Variants in PDE1A observed in about 807,000 individuals in gnomAD.
PDE1A encodes dual specificity calcium/calmodulin-dependent 3',5'-cyclic nucleotide phosphodiesterase 1A.
Under a neutral mutation model 61.7 loss-of-function variants are expected in PDE1A, and 35 were observed. That is an observed-to-expected ratio of 0.57 (90% CI 0.43 to 0.75). The LOEUF is 0.75. Among genes scored for constraint, PDE1A ranks in the 30% least tolerant of loss-of-function variants. PDE1A has a pLI of 0.00. For synonymous variants in PDE1A, 232 were observed against 213.2 expected (o/e 1.09, Z -0.77); for missense variants, 597 against 630.6 (o/e 0.95, Z 0.57).
At chr2:182,360,608 C>G (rs892529702) in intron 1 of PDE1A, among the ~76,000 whole-genome samples, 1 of 150,036 alleles carries the variant, frequency 6.7e-6, no homozygotes, top group African/African-American at 2.5e-5. Flanking sequence ...GCCTATGACG[C>G]ATGTAGAGAC....
chr2:182,693,183 A>G, the PDE1A span, among the ~76,000 whole-genome samples: 1 of 152,202 alleles, frequency 6.6e-6, no homozygotes, highest in African/African-American at 2.4e-5. Flanking sequence ...TCAAATATAT[A>G]TAAAATCAGT....
At chr2:182,147,440 GT>G (rs574712450) in intron 13 of PDE1A, among the ~76,000 whole-genome samples, 7 of 152,252 alleles carry the variant, frequency 4.6e-5, no homozygotes, top group African/African-American at 1.4e-4. Flanking sequence ...TAAATCCCAT[GT>G]AAAAAATCAT....
chr2:182,198,116 T>C (rs1686289168), intron 10 of PDE1A, among the ~76,000 whole-genome samples: 1 of 151,922 alleles, frequency 6.6e-6, no homozygotes. Context: ...CATATACATT[T>C]AATTAAAGGT....
intron 10 of PDE1A, among the ~76,000 whole-genome samples, chr2:182,200,663 G>C (rs2125466647): frequency 6.6e-6 from 1 of 152,280 alleles, no homozygotes; most frequent in Non-Finnish European, 1.5e-5. Context: ...AGTTTTGTGA[G>C]TCATTCTAGC....
the PDE1A span, among the ~76,000 whole-genome samples, chr2:182,557,875 T>A: frequency 3.3e-5 from 5 of 152,138 alleles, no homozygotes; most frequent in Non-Finnish European, 4.4e-5. Context: ...AAATCTTTCA[T>A]CATCAACTAC....
chr2:182,328,150 G>A (rs1187526987), intron 1 of PDE1A, among the ~76,000 whole-genome samples: 17 of 152,194 alleles, frequency 1.1e-4, no homozygotes, highest in Admixed American at 1.0e-3. Context: ...GAGTGACAGG[G>A]CAGAGACCAA....
chr2:182,394,994 G>A (rs1701622755), intron 1 of PDE1A, among the ~76,000 whole-genome samples: 1 of 152,218 alleles, frequency 6.6e-6, no homozygotes, highest in Non-Finnish European at 1.5e-5. Context: ...TCGTTGTGCA[G>A]AAGACAGATG....
At chr2:182,212,862 C>A (rs916216180) in intron 7 of PDE1A, among the ~76,000 whole-genome samples, 16 of 152,280 alleles carry the variant, frequency 1.1e-4, no homozygotes, top group African/African-American at 3.4e-4. Context: ...CATTGCCCAG[C>A]CTTGATTAGG....
At chr2:182,582,235 C>T in the PDE1A span, among the ~76,000 whole-genome samples, 5 of 152,064 alleles carry the variant, frequency 3.3e-5, no homozygotes, top group South Asian at 6.2e-4. Flanking sequence ...ATGAACTGGG[C>T]AAGAATCTTC....
At chr2:182,599,199 G>C in the PDE1A span, among the ~76,000 whole-genome samples, 1 of 152,144 alleles carries the variant, frequency 6.6e-6, no homozygotes, top group South Asian at 2.1e-4. Context: ...CCACTGCCTG[G>C]CTTTTCCCTG....
rs560852528 is a variant in PDE1A at position 182,513,088 on chromosome 2, GAAATCAGA to G, written c.101+9180_101+9187del. On this transcript the variant is annotated intron_variant, in intron 2 of 14. Transcript: ENST00000410103. ...TAGAGAGGTTGACATTCAAATTCAG[GAAATCAGA>G]AAACCCCTGTGAGATACTATACAAG... 3.3e-5 allele frequency among the ~76,000 whole-genome samples: 5 copies of G among 152,118 alleles called. No individual in the cohort carries two copies. In the South Asian group the frequency reaches 1.0e-3, roughly 32 times the overall value.
the PDE1A span, among the ~76,000 whole-genome samples, chr2:182,594,693 C>T: frequency 6.6e-6 from 1 of 152,146 alleles, no homozygotes; most frequent in Non-Finnish European, 1.5e-5. Context: ...GTATTTAACT[C>T]GACACTTAGT....
At chr2:182,440,662 A>G (rs1684729724) in intron 2 of PDE1A, among the ~76,000 whole-genome samples, 1 of 152,110 alleles carries the variant, frequency 6.6e-6, no homozygotes, top group African/African-American at 2.4e-5. Flanking sequence ...GCATATTCTC[A>G]ATATTATAAT....
chr2:182,147,015 T>C, downstream of PDE1A: 3 of 1,038,986 alleles, frequency 2.9e-6, no homozygotes, highest in Non-Finnish European at 2.9e-6. Flanking sequence ...GTTAAGTTTC[T>C]GGTCTATAAA....
At chr2:182,601,901 TG>T in the PDE1A span, among the ~76,000 whole-genome samples, 6 of 152,156 alleles carry the variant, frequency 3.9e-5, no homozygotes, top group Non-Finnish European at 7.4e-5. Flanking sequence ...AATTGGTCCA[TG>T]GGCAGCCATG....
intron 1 of PDE1A, among the ~76,000 whole-genome samples, chr2:182,372,760 T>C (rs1397476179): frequency 6.6e-6 from 1 of 152,168 alleles, no homozygotes; most frequent in African/African-American, 2.4e-5. Context: ...ATTCAGGAAC[T>C]GGCTGATTGC....
chr2:182,325,601 ACTC>A (rs1402188471), intron 1 of PDE1A, among the ~76,000 whole-genome samples: 10 of 152,024 alleles, frequency 6.6e-5, no homozygotes, highest in African/African-American at 2.4e-4. Context: ...TACATAAAGA[ACTC>A]CTGCAACTTA....
At chr2:182,691,902 G>A in the PDE1A span, among the ~76,000 whole-genome samples, 1 of 152,016 alleles carries the variant, frequency 6.6e-6, no homozygotes, top group Non-Finnish European at 1.5e-5. Flanking sequence ...AGACATTTAT[G>A]TAACCAACAG....
rs987240441 is a variant in PDE1A, at chr2:182,508,631, A to T, written c.101+13645T>A. 2.6e-4 allele frequency among the ~76,000 whole-genome samples: 40 copies of T among 151,960 alleles called. 1 individual carries two copies. The highest frequency in any genetic ancestry group is 9.6e-4 in the African/African-American group (40 of 41,510). On this transcript the variant is annotated intron_variant, in intron 2 of 14. Coordinates refer to the PDE1A transcript ENST00000410103. Reference sequence around the variant, plus strand: ...GAGCCACAAATAAACATCAACAAGTAAAAAAGAAAACTAGCATAGCATTTT... The same window carrying T: ...GAGCCACAAATAAACATCAACAAGTTAAAAAGAAAACTAGCATAGCATTTT...
Sources: allele counts gnomAD v4.1 joint callset (sites outside exome capture counted in the v4.1 genomes callset), GRCh38; gene constraint gnomAD v4.1.1; transcripts MANE v1.5; gene names NCBI Gene and HGNC (gene_info 2026-07-23, HGNC 2026-07-21).